EPN2: variants seen among roughly 807,000 people sequenced by gnomAD.
EPN2 encodes the protein epsin-2.
Under a neutral mutation model 61.7 loss-of-function variants are expected in EPN2, and 34 were observed. That is an observed-to-expected ratio of 0.55 (90% confidence interval 0.42 to 0.73). The LOEUF is 0.73. EPN2 is among the 30% of genes least tolerant of loss of function. EPN2 has a pLI of 0.00. For missense variants in EPN2, 714 were observed against 839.2 expected (o/e 0.85, Z 1.84); for synonymous variants, 349 against 353.6 (o/e 0.99, Z 0.15).
intron 4 of EPN2, among the ~76,000 whole-genome samples, chr17:19,294,249 C>T (rs1163864424): frequency 8.3e-5 from 6 of 71,960 alleles, no homozygotes; most frequent in Admixed American, 1.4e-4. Flanking sequence ...AAAACCCCAT[C>T]GCTACAAAAA....
At chr17:19,305,945 T>A (rs1057375678) in intron 4 of EPN2, 2 of 152,196 alleles carry the variant, frequency 1.3e-5, no homozygotes, top group Non-Finnish European at 2.9e-5. Context: ...CTACCTGTGG[T>A]TACAGTTCTT....
intron 6 of EPN2, among the ~76,000 whole-genome samples, chr17:19,312,383 A>G (rs965527710): frequency 2.6e-5 from 4 of 152,226 alleles, no homozygotes; most frequent in African/African-American, 9.6e-5. Context: ...AATGGAGGTG[A>G]TGATAGTGCC....
At chr17:19,310,062 T>G (rs1906046446) in intron 5 of EPN2, 65 bp downstream of exon 5, 1 of 1,172,854 alleles carries the variant, frequency 8.5e-7, no homozygotes, top group African/African-American at 1.5e-5. Context: ...TGTGGCTCAC[T>G]GGGAAGAAGA....
Position 19,313,231 on chromosome 17 carries a change from G to C in EPN2, c.1099G>C (p.Gly367Arg). 1.3e-6 allele frequency: 2 copies of C among 1,594,794 alleles called. No homozygotes were observed. Among genetic ancestry groups the C allele is most frequent in the Non-Finnish European group, 8.5e-7 (1 of 1,173,320 alleles). ...CTCCACTAACCAGACCAACCCCTGG[G>C]GCGGGCCAGCGGCTCCTGCGAGTAC... ...SASTNQTNPW[G>R]GPAAPASTSD... The change falls in exon 7 of 11, where the codon GGC (glycine) becomes CGC (arginine). Residue 367 changes from glycine (G) to arginine (R), a missense_variant. By Grantham distance (125) the Gly-to-Arg change is moderately radical. Coordinates refer to ENST00000314728, the MANE Select transcript of EPN2 (RefSeq NM_014964.5).
At chr17:19,249,842 T>C (rs2044994384) in intron 1 of EPN2, among the ~76,000 whole-genome samples, 1 of 152,270 alleles carries the variant, frequency 6.6e-6, no homozygotes, top group East Asian at 1.9e-4. Flanking sequence ...TAGTTAGAGC[T>C]GGTTCCTGCT....
intron 4 of EPN2, chr17:19,303,851 TC>T (rs2152227905): frequency 6.6e-6 from 1 of 151,618 alleles, no homozygotes; most frequent in Admixed American, 6.6e-5. Context: ...ACGCCTGTAA[TC>T]CCAGCAGTTT....
At chr17:19,305,456 T>G (rs1405450585) in intron 4 of EPN2, among the ~76,000 whole-genome samples, 3 of 152,196 alleles carry the variant, frequency 2.0e-5, no homozygotes, top group African/African-American at 7.2e-5. Context: ...ACTTGCCACT[T>G]TCTTTCTGTT....
At chr17:19,247,435 A>G (rs1462185680) in intron 1 of EPN2, among the ~76,000 whole-genome samples, 1 of 152,204 alleles carries the variant, frequency 6.6e-6, no homozygotes, top group Non-Finnish European at 1.5e-5. Context: ...GAAGTCAGGG[A>G]AGCTATCAGG....
At chr17:19,290,482 A>C (rs1297479527) in intron 4 of EPN2, among the ~76,000 whole-genome samples, 1 of 152,122 alleles carries the variant, frequency 6.6e-6, no homozygotes, top group Non-Finnish European at 1.5e-5. Context: ...CCTCTCACCA[A>C]GGACACTCTA....
chr17:19,258,730 G>C (rs2045108858), intron 1 of EPN2, among the ~76,000 whole-genome samples: 1 of 152,138 alleles, frequency 6.6e-6, no homozygotes, highest in South Asian at 2.1e-4. Flanking sequence ...GCTGCGTGTG[G>C]ACAGCGCGGT....
chr17:19,242,567 A>G (rs1479240046), intron 1 of EPN2, among the ~76,000 whole-genome samples: 1 of 152,226 alleles, frequency 6.6e-6, no homozygotes, highest in Non-Finnish European at 1.5e-5. Context: ...CTGGGCATAG[A>G]AAGTCCTTTT....
intron 9 of EPN2, among the ~76,000 whole-genome samples, chr17:19,331,008 TTG>T (rs1310246780): frequency 6.6e-6 from 1 of 152,162 alleles, no homozygotes; most frequent in Non-Finnish European, 1.5e-5. Context: ...TTTTTTTGTT[TTG>T]TTTTGTTTTG....
intron 1 of EPN2, among the ~76,000 whole-genome samples, chr17:19,261,639 G>A (rs1028402141): frequency 2.0e-5 from 3 of 152,150 alleles, no homozygotes; most frequent in African/African-American, 7.2e-5. Context: ...TTCCTTCCAG[G>A]ATTTAAGTTA....
chr17:19,320,849 A>G (rs1906604169), intron 7 of EPN2, among the ~76,000 whole-genome samples: 1 of 152,218 alleles, frequency 6.6e-6, no homozygotes, highest in Admixed American at 6.5e-5. Flanking sequence ...GCAGAGATGC[A>G]GATAAACTGC....
chr17:19,328,373 A>G (rs1906995458), intron 7 of EPN2, among the ~76,000 whole-genome samples: 1 of 152,144 alleles, frequency 6.6e-6, no homozygotes, highest in Non-Finnish European at 1.5e-5. Flanking sequence ...CAGATAGTCC[A>G]TCGAAGTGGG....
intron 1 of EPN2, among the ~76,000 whole-genome samples, chr17:19,254,475 A>C (rs2045051320): frequency 6.6e-6 from 1 of 152,184 alleles, no homozygotes; most frequent in African/African-American, 2.4e-5. Flanking sequence ...CAGGAGGCAG[A>C]GGTTGCAGTG....
intron 7 of EPN2, among the ~76,000 whole-genome samples, chr17:19,324,872 C>G (rs975622853): frequency 6.6e-6 from 1 of 151,980 alleles, no homozygotes; most frequent in Non-Finnish European, 1.5e-5. Flanking sequence ...AAATTTCTGG[C>G]AAGAAATTTT....
intron 4 of EPN2, chr17:19,296,581 G>A (rs1473787084): frequency 2.0e-5 from 3 of 152,092 alleles, no homozygotes; most frequent in African/African-American, 7.2e-5. Context: ...AAAGACAACT[G>A]TTATTCACAT....
Position 19,283,125 on chromosome 17 carries a change from G to A in EPN2, c.6G>A (p.Thr2=), listed in dbSNP as rs1384900934. ...TTATAACAAAGAAAATAAAAATGAC[G>A]ACTTCGTCTATCAGACGGCAGATGA... M[T]TSSIRRQMKN... The change falls in exon 3 of 11, where the codon ACG becomes ACA. Residue 2 remains threonine, a synonymous_variant. Transcript: ENST00000314728. This position sits in a 1 kb window ranked among gnomAD's most constrained non-coding sequence, Gnocchi z 7.0. The A allele has an allele frequency of 1.2e-6, 2 of 1,603,550 alleles. No homozygotes were observed. Among genetic ancestry groups the A allele is most frequent in the South Asian group, 1.1e-5 (1 of 89,900 alleles).
Sources: gnomAD v4.1 joint callset for allele counts (sites outside exome capture counted in the v4.1 genomes callset) on GRCh38, gnomAD v4.1.1 for gene constraint, Gnocchi (gnomAD v3.1) non-coding constraint, MANE v1.5 for transcripts, NCBI Gene and HGNC (gene_info 2026-07-23, HGNC 2026-07-21) for gene names.